SAMD3: variants seen among roughly 807,000 people sequenced by gnomAD.
SAMD3 encodes sterile alpha motif domain containing 3, also known as sterile alpha motif domain-containing protein 3.
In SAMD3, 63 loss-of-function variants were observed where a neutral mutation model predicts 58.5. The ratio of observed to expected loss-of-function variants is 1.08; its 90% CI spans 0.88 to 1.33. The LOEUF (loss-of-function observed/expected upper bound fraction) is 1.33. SAMD3 is among the 40% of genes most tolerant of loss of function. The probability of loss-of-function intolerance (pLI) is 0.00; values close to 1 mark genes in which losing one functional copy is unlikely to be tolerated. For missense variants in SAMD3, 604 were observed against 608.4 expected, an observed-to-expected ratio of 0.99 and a Z score of 0.08; for synonymous variants, 220 against 210.3, an observed-to-expected ratio of 1.05 and a Z score of -0.40.
At chr6:130,269,926 A>G (rs1355935155) in intron 2 of SAMD3, among the ~76,000 whole-genome samples, 1 of 151,776 alleles carries the variant, frequency 6.6e-6, no homozygotes, top group Non-Finnish European at 1.5e-5. Flanking sequence ...TTTTTGATCC[A>G]TGGACTATTT....
At chr6:130,250,351 A>C (rs1288826061) in intron 2 of SAMD3, among the ~76,000 whole-genome samples, 1 of 152,182 alleles carries the variant, frequency 6.6e-6, no homozygotes, top group Non-Finnish European at 1.5e-5. Context: ...AAGGACTAGG[A>C]AGAGAAGAGG....
chr6:130,351,713 G>T (rs1777672777), intron 1 of SAMD3, among the ~76,000 whole-genome samples: 1 of 152,130 alleles, frequency 6.6e-6, no homozygotes, highest in African/African-American at 2.4e-5. Flanking sequence ...CCATTACTGG[G>T]TATATACCCA....
chr6:130,180,626 T>C (rs1023291), intron 7 of SAMD3, among the ~76,000 whole-genome samples: 135,612 of 152,208 alleles, frequency 0.89, 60,584 homozygotes, highest in East Asian at 0.98. Flanking sequence ...TTTGGTTTTG[T>C]TGTTGTTGTT....
intron 1 of SAMD3, among the ~76,000 whole-genome samples, chr6:130,338,160 G>A (rs1329665489): frequency 6.6e-6 from 1 of 152,224 alleles, no homozygotes; most frequent in Admixed American, 6.5e-5. Context: ...TCCAGCTGGG[G>A]CTAAAAAGGG....
chr6:130,207,370 T>TTA (rs1352974756), intron 5 of SAMD3, among the ~76,000 whole-genome samples: 1 of 152,102 alleles, frequency 6.6e-6, no homozygotes, highest in East Asian at 1.9e-4. Flanking sequence ...TTATCTATTC[T>TTA]TAATGCTCAA....
chr6:130,210,326 G>A (rs1434748333), intron 4 of SAMD3, among the ~76,000 whole-genome samples: 1 of 152,142 alleles, frequency 6.6e-6, no homozygotes, highest in African/African-American at 2.4e-5. Context: ...GGCCAGGTGT[G>A]GTGGCTCAAC....
upstream of SAMD3, among the ~76,000 whole-genome samples, chr6:130,223,868 G>T (rs1407735122): frequency 6.6e-6 from 1 of 152,178 alleles, no homozygotes. Context: ...TTAGCCATCC[G>T]CAGGTGGCTT....
At chr6:130,243,166 A>G (rs920252161) in intron 2 of SAMD3, among the ~76,000 whole-genome samples, 4 of 152,192 alleles carry the variant, frequency 2.6e-5, no homozygotes, top group Non-Finnish European at 5.9e-5. Context: ...GTGCTTGTCA[A>G]TTATGTCTCT....
chr6:130,291,318 T>C (rs1775353745), intron 2 of SAMD3, among the ~76,000 whole-genome samples: 1 of 152,214 alleles, frequency 6.6e-6, no homozygotes, highest in South Asian at 2.1e-4. Context: ...TTGGCCAGGC[T>C]GGTCTCAAAC....
At chr6:130,340,026 C>T (rs1777221672) in intron 1 of SAMD3, among the ~76,000 whole-genome samples, 1 of 152,174 alleles carries the variant, frequency 6.6e-6, no homozygotes, top group South Asian at 2.1e-4. Flanking sequence ...CAATGATATG[C>T]AGAGGATATA....
At position 130,146,133 on chromosome 6, in the gene SAMD3, T is replaced by G. The variant is rs749467124; in HGVS notation, c.1072A>C (p.Thr358Pro). The G allele has an allele frequency of 6.2e-7, 1 of 1,601,074 alleles. No homozygotes were observed. The highest frequency in any genetic ancestry group is 1.7e-5 in the Admixed American group (1 of 57,932). The change falls in exon 10 of 12, where the codon ACA becomes CCA. Residue 358 changes from threonine to proline, a missense_variant. By Grantham distance (38) the Thr-to-Pro change is conservative (BLOSUM62 -1). Coordinates refer to ENST00000439090, the MANE Select transcript of SAMD3 (RefSeq NM_001017373.4). ...GAATAGGATTCCAAAATGTGCCTTGTTTTCTTATAAATATCTGTTCTTGTA... is the reference window on the plus strand; with the variant it reads ...GAATAGGATTCCAAAATGTGCCTTGGTTTCTTATAAATATCTGTTCTTGTA... ...LLTRTDIYKK[T>P]RHILESYSEN...
At chr6:130,310,522 T>C (rs193203337) in intron 2 of SAMD3, among the ~76,000 whole-genome samples, 1 of 152,336 alleles carries the variant, frequency 6.6e-6, no homozygotes, top group African/African-American at 2.4e-5. Flanking sequence ...TATAACAAAA[T>C]TCCACACATT....
chr6:130,183,833 AAG>A (rs1237719308), intron 7 of SAMD3, among the ~76,000 whole-genome samples: 6 of 150,974 alleles, frequency 4.0e-5, no homozygotes, highest in African/African-American at 1.5e-4. Flanking sequence ...CAGAGAGAGA[AAG>A]AGAGAGAGCC....
chr6:130,279,847 G>A (rs958654318), intron 2 of SAMD3, among the ~76,000 whole-genome samples: 3 of 151,898 alleles, frequency 2.0e-5, no homozygotes, highest in Non-Finnish European at 4.4e-5. Context: ...TGTGAGAAAC[G>A]GACTAATACA....
At chr6:130,207,105 C>T (rs11962541) in intron 5 of SAMD3, among the ~76,000 whole-genome samples, 7,674 of 146,950 alleles carry the variant, frequency 0.052, 231 homozygotes, top group African/African-American at 0.088. Context: ...GCCCTGATTG[C>T]ATCACTGCAC....
chr6:130,296,494 AG>A (rs1033641370), intron 2 of SAMD3, among the ~76,000 whole-genome samples: 3 of 152,204 alleles, frequency 2.0e-5, no homozygotes, highest in African/African-American at 7.2e-5. Flanking sequence ...ACAGATGTGA[AG>A]GAATATCATC....
intron 2 of SAMD3, among the ~76,000 whole-genome samples, chr6:130,271,476 A>G (rs1208844112): frequency 1.3e-5 from 2 of 152,130 alleles, no homozygotes; most frequent in Non-Finnish European, 2.9e-5. Flanking sequence ...AGATTTTCTT[A>G]TGTTTATTTC....
chr6:130,168,464 C>A (rs1790925470), intron 8 of SAMD3, among the ~76,000 whole-genome samples: 1 of 151,996 alleles, frequency 6.6e-6, no homozygotes, highest in African/African-American at 2.4e-5. Context: ...AACAAAAAAT[C>A]CACCTTCTTT....
At chr6:130,250,079 C>T (rs373263271) in intron 2 of SAMD3, among the ~76,000 whole-genome samples, 1 of 152,038 alleles carries the variant, frequency 6.6e-6, no homozygotes, top group East Asian at 1.9e-4. Flanking sequence ...ACAGGAGCCC[C>T]CAGATAGCTC....
Sources: allele counts gnomAD v4.1 joint callset (sites outside exome capture counted in the v4.1 genomes callset), GRCh38; gene constraint gnomAD v4.1.1; transcripts MANE v1.5; gene names NCBI Gene and HGNC (gene_info 2026-07-23, HGNC 2026-07-21).